Variants in MATR3 observed in about 807,000 individuals in gnomAD.
MATR3 encodes the protein matrin 3.
In MATR3, 4 loss-of-function variants were observed where a neutral mutation model predicts 85.5. That is an observed-to-expected ratio of 0.05 (90% CI 0.02 to 0.11). The LOEUF (loss-of-function observed/expected upper bound fraction) is 0.11, where lower values mean the gene tolerates loss of function less well. MATR3 is among the 10% of genes least tolerant of loss of function. MATR3 has a pLI of 1.00. For synonymous variants in MATR3, 336 were observed against 343.1 expected (o/e 0.98, Z 0.23); for missense variants, 685 against 1,016.1 (o/e 0.67, Z 4.43).
At chr5:139,325,778 G>C (rs570022372) in intron 13 of MATR3, 116 bp downstream of exon 13, 2 of 907,892 alleles carry the variant, frequency 2.2e-6, no homozygotes, top group Non-Finnish European at 3.5e-6. Flanking sequence ...TTTTAAATTT[G>C]CTTTGTTTCT....
intron 1 of MATR3, among the ~76,000 whole-genome samples, chr5:139,297,391 G>A (rs1474253092): frequency 6.6e-6 from 1 of 152,164 alleles, no homozygotes; most frequent in Non-Finnish European, 1.5e-5. Context: ...GGATCATTAG[G>A]ATTAAGGGCT....
intron 2 of MATR3, chr5:139,311,807 T>C (rs1445875690): frequency 2.4e-5 from 3 of 127,486 alleles, no homozygotes; most frequent in Non-Finnish European, 4.7e-5. Context: ...TCGCTCTGTG[T>C]CCCAGGCTGG....
chr5:139,305,199 G>T (rs1196605244), intron 1 of MATR3, among the ~76,000 whole-genome samples: 2 of 152,100 alleles, frequency 1.3e-5, no homozygotes, highest in Non-Finnish European at 2.9e-5. Flanking sequence ...GAGTTTTTCT[G>T]ACATTCATTT....
chr5:139,299,743 T>C (rs1418211657), intron 1 of MATR3: 1 of 152,202 alleles, frequency 6.6e-6, no homozygotes, highest in African/African-American at 2.4e-5. Context: ...AAATGAGTGA[T>C]GTTTCAGGTT....
chr5:139,307,680 A>G lies in MATR3; in HGVS notation c.265A>G (p.Ile89Val), dbSNP rs528548235. 4.0e-5 allele frequency: 65 copies of G among 1,614,116 alleles called. No homozygotes were observed. The East Asian group carries it at 1.2e-3, about 30-fold the overall frequency. ...CCATAATTTGCAGTCTATATTTAAC[A>G]TTGGAAGTAGAGGTCCACTCCCTTT... is the stretch of plus-strand genomic sequence containing the variant. The part of the protein sequence containing the change: ...SSHNLQSIFN[I>V]GSRGPLPLSS... Residue 89 changes from isoleucine to valine, a missense_variant, in exon 2 of 15, where the codon ATT (isoleucine) becomes GTT (valine). Physicochemically the swap from Ile to Val is conservative, Grantham distance 29. This residue lies in a region of MATR3 where 57 missense variants were observed against 68.6 expected (regional missense o/e 0.83). Coordinates refer to ENST00000394805, the MANE Select transcript of MATR3 (RefSeq NM_018834.6). The surrounding 1 kb of genome is among the most constrained non-coding windows in gnomAD (Gnocchi z 4.4).
chr5:139,329,510 T>C lies in MATR3; in HGVS notation c.*115T>C. On this transcript the variant is annotated 3_prime_UTR_variant, in exon 15 of 15. Transcript: ENST00000394805. ...AAGAAAACTATTGTACTCTTTTGTT[T>C]TAGTGGAGAAATAATAGATGTCTGT... 2 of 876,176 alleles carry C rather than the reference T, an allele frequency of 2.3e-6. No homozygotes were observed. The highest frequency in any genetic ancestry group is 3.7e-6 in the Non-Finnish European group (2 of 541,004). The allele number at this position is 876,176 out of a possible 1,614,324, so 54.3% of individuals were successfully genotyped here.
At chr5:139,315,989 T>C (rs1755222104) in intron 4 of MATR3, 87 bp from the exon 5 acceptor site, 2 of 1,000,370 alleles carry the variant, frequency 2.0e-6, no homozygotes, top group Non-Finnish European at 3.2e-6. Context: ...GTTGTGGTCA[T>C]ATATTGGGGT....
chr5:139,302,393 G>T, intron 1 of MATR3, among the ~76,000 whole-genome samples: 1 of 152,054 alleles, frequency 6.6e-6, no homozygotes, highest in East Asian at 1.9e-4. Context: ...TAGTTCTTCA[G>T]CATACTTCAA....
Position 139,307,185 on chromosome 5 carries a change from AAAAC to A in MATR3, c.-177-53_-177-50del. The A allele has an allele frequency of 2.2e-5, 26 of 1,199,220 alleles. No individual in the cohort carries two copies. The highest frequency in any genetic ancestry group is 2.7e-5 in the Non-Finnish European group (26 of 966,800). 74.3% of individuals were successfully genotyped at this position (1,199,220 alleles called of 1,614,324 possible). On this transcript the variant is annotated intron_variant, in intron 1 of 14. Transcript: ENST00000394805. This position sits in a 1 kb window ranked among gnomAD's most constrained non-coding sequence, Gnocchi z 4.4. ...GATGCATAAGTTTTTTTTTCTTAAA[AAAAC>A]GGCATCTGCTTAAAGGGATTTATGA...
chr5:139,294,099 A>G, intron 1 of MATR3: 1 of 1,242,730 alleles, frequency 8.0e-7, no homozygotes, highest in Non-Finnish European at 1.0e-6. Context: ...TTGGGTGAAG[A>G]GGTGCGCTGA....
At chr5:139,327,309 T>G (rs1039365268) in intron 14 of MATR3, among the ~76,000 whole-genome samples, 3 of 151,942 alleles carry the variant, frequency 2.0e-5, no homozygotes, top group East Asian at 1.9e-4. Flanking sequence ...CTTCTGTTTT[T>G]TTTTTTTTTT....
At chr5:139,285,902 A>ACAC (rs1333053459) in intron 3 of MATR3, among the ~76,000 whole-genome samples, 1 of 152,210 alleles carries the variant, frequency 6.6e-6, no homozygotes, top group East Asian at 1.9e-4. Flanking sequence ...AGCCTATGGG[A>ACAC]CACCATCAGG....
chr5:139,308,840 G>A (rs1754831650), intron 2 of MATR3, among the ~76,000 whole-genome samples: 1 of 152,124 alleles, frequency 6.6e-6, no homozygotes, highest in African/African-American at 2.4e-5. Context: ...TCATATTTTA[G>A]ATTAGTTCAT....
chr5:139,294,175 C>CG, intron 1 of MATR3: 4 of 743,946 alleles, frequency 5.4e-6, no homozygotes, highest in Non-Finnish European at 7.5e-6. Flanking sequence ...GCCCGTTACA[C>CG]GCGGGCCGCG....
intron 7 of MATR3, among the ~76,000 whole-genome samples, 185 bp from the exon 8 acceptor site, chr5:139,318,723 G>C (rs1755386339): frequency 6.6e-6 from 1 of 152,232 alleles, no homozygotes; most frequent in African/African-American, 2.4e-5. Context: ...GGGATTACAG[G>C]CATGAGATAC....
Position 139,329,537 on chromosome 5 carries a change from C to T in MATR3, c.*142C>T. ...AGTGGAGAAATAATAGATGTCTGTT[C>T]ATGTGTTAAGTGTTATAGCAAAAAA... On this transcript the variant is annotated 3_prime_UTR_variant, in exon 15 of 15. Coordinates refer to ENST00000394805, the MANE Select transcript of MATR3 (RefSeq NM_018834.6). 1 of 727,656 alleles carries T rather than the reference C, an allele frequency of 1.4e-6. No individual in the cohort carries two copies. The highest frequency in any genetic ancestry group is 2.4e-6 in the Non-Finnish European group (1 of 420,746). 45.1% of individuals were successfully genotyped at this position (727,656 alleles called of 1,614,324 possible).
chr5:139,293,318 C>G (rs892144746), upstream of MATR3: 1 of 152,100 alleles, frequency 6.6e-6, no homozygotes, highest in Admixed American at 6.5e-5. Flanking sequence ...CCTTTGTGGC[C>G]CCAATATCTG....
At chr5:139,297,107 G>C (rs1754195043) in intron 1 of MATR3, among the ~76,000 whole-genome samples, 1 of 152,198 alleles carries the variant, frequency 6.6e-6, no homozygotes, top group South Asian at 2.1e-4. Flanking sequence ...GAACCCAGGA[G>C]GCGGAGGTAG....
upstream of MATR3, among the ~76,000 whole-genome samples, chr5:139,289,318 C>T (rs1753801506): frequency 6.6e-6 from 1 of 152,146 alleles, no homozygotes; most frequent in Non-Finnish European, 1.5e-5. Flanking sequence ...ACTTGGGAGG[C>T]TGAGGAAGGA....
Sources: allele counts gnomAD v4.1 joint callset (sites outside exome capture counted in the v4.1 genomes callset), GRCh38; gene constraint gnomAD v4.1.1; regional missense constraint gnomAD v4.1.1; non-coding constraint Gnocchi (gnomAD v3.1); transcripts MANE v1.5; gene names NCBI Gene and HGNC (gene_info 2026-07-23, HGNC 2026-07-21).